Variants in GRID2 observed in about 807,000 individuals in gnomAD.
GRID2 encodes the protein glutamate receptor ionotropic, delta-2.
In GRID2, 33 loss-of-function variants were observed where a neutral mutation model predicts 114.8. That is an observed-to-expected ratio of 0.29 (90% CI 0.22 to 0.38). GRID2 has a LOEUF of 0.38. Ranked by LOEUF, GRID2 falls within the 10% of genes least tolerant of loss-of-function variation. The pLI is 1.00. For missense variants in GRID2, 1,184 were observed against 1,257.7 expected (o/e 0.94, Z 0.89); for synonymous variants, 505 against 449.9 (o/e 1.12, Z -1.55).
At chr4:93,221,906 T>A (rs1744923143) in intron 6 of GRID2, among the ~76,000 whole-genome samples, 1 of 152,124 alleles carries the variant, frequency 6.6e-6, no homozygotes, top group Non-Finnish European at 1.5e-5. Context: ...AAGACTAGCA[T>A]AGATGCTCAA....
chr4:92,586,030 C>T (rs528916570), intron 1 of GRID2, among the ~76,000 whole-genome samples: 83 of 130,116 alleles, frequency 6.4e-4, no homozygotes, highest in African/African-American at 2.3e-3. Context: ...AAGATTATAC[C>T]TAATTTAATG....
At chr4:92,536,714 C>T (rs1231528445) in intron 1 of GRID2, among the ~76,000 whole-genome samples, 17 of 151,782 alleles carry the variant, frequency 1.1e-4, no homozygotes, top group Admixed American at 1.1e-3. Flanking sequence ...CAGATTTTTT[C>T]TCTTATATGC....
intron 1 of GRID2, among the ~76,000 whole-genome samples, chr4:92,450,858 A>T (rs1311653536): frequency 2.0e-5 from 3 of 148,096 alleles, no homozygotes; most frequent in African/African-American, 7.3e-5. Flanking sequence ...AAATTTAAAT[A>T]AATTTAATTT....
intron 7 of GRID2, among the ~76,000 whole-genome samples, chr4:93,225,633 T>C (rs1221454485): frequency 6.6e-6 from 1 of 152,166 alleles, no homozygotes; most frequent in Non-Finnish European, 1.5e-5. Flanking sequence ...AATTGAAATA[T>C]AAATGCCCTT....
At chr4:92,769,271 T>C (rs1001221961) in intron 2 of GRID2, among the ~76,000 whole-genome samples, 2 of 152,176 alleles carry the variant, frequency 1.3e-5, no homozygotes, top group African/African-American at 4.8e-5. Flanking sequence ...CAGGTCATGC[T>C]GATGCAAAAA....
At chr4:93,182,304 A>G (rs1739971047) in intron 4 of GRID2, among the ~76,000 whole-genome samples, 1 of 152,014 alleles carries the variant, frequency 6.6e-6, no homozygotes, top group Admixed American at 6.6e-5. Flanking sequence ...AAAATATCTA[A>G]TGATGTTATA....
chr4:92,775,994 A>G (rs921146836), intron 2 of GRID2, among the ~76,000 whole-genome samples: 1 of 152,156 alleles, frequency 6.6e-6, no homozygotes, highest in Non-Finnish European at 1.5e-5. Flanking sequence ...ATAATTTTAA[A>G]AAATTGACCT....
intron 13 of GRID2, among the ~76,000 whole-genome samples, chr4:93,602,807 C>T (rs1402428056): frequency 1.3e-5 from 2 of 152,212 alleles, no homozygotes; most frequent in African/African-American, 4.8e-5. Flanking sequence ...AAAGCCAAGA[C>T]AGGCTAAAAG....
intron 1 of GRID2, among the ~76,000 whole-genome samples, chr4:92,317,652 C>T (rs2110120226): frequency 6.6e-6 from 1 of 152,152 alleles, no homozygotes; most frequent in East Asian, 1.9e-4. Context: ...AAAATCAGTC[C>T]CTGACTGCTC....
chr4:92,718,991 AT>A (rs879770532), intron 2 of GRID2, among the ~76,000 whole-genome samples: 223 of 145,476 alleles, frequency 1.5e-3, no homozygotes, highest in Admixed American at 1.7e-3. Context: ...CAAAAGACAG[AT>A]TTTTTTTTTT....
chr4:92,971,280 G>A (rs1239838629), intron 2 of GRID2, among the ~76,000 whole-genome samples: 1 of 151,926 alleles, frequency 6.6e-6, no homozygotes, highest in Non-Finnish European at 1.5e-5. Context: ...AGGAAGAGCA[G>A]GGACATAGGC....
At chr4:92,960,720 C>T (rs1752741516) in intron 2 of GRID2, among the ~76,000 whole-genome samples, 1 of 151,644 alleles carries the variant, frequency 6.6e-6, no homozygotes, top group South Asian at 2.1e-4. Context: ...ATATTTATAC[C>T]ATGATGTTTA....
chr4:93,424,063 T>G (rs1768600763), intron 10 of GRID2, among the ~76,000 whole-genome samples: 1 of 152,146 alleles, frequency 6.6e-6, no homozygotes, highest in African/African-American at 2.4e-5. Context: ...AATATTGTAC[T>G]ACTTCACATA....
chr4:92,912,251 A>G (rs1748443230), intron 2 of GRID2, among the ~76,000 whole-genome samples: 1 of 151,876 alleles, frequency 6.6e-6, no homozygotes, highest in Admixed American at 6.6e-5. Flanking sequence ...AGAAGGGTAT[A>G]CTACACATGA....
rs564531183 is a variant in GRID2, at chr4:92,573,035, C to T, written c.89-17096C>T. ...GCCCTGTTCAAGCATTCCGTTTCTT[C>T]CTGGTTCAGTCTTGGGAGAGTGTAC... On this transcript the variant is annotated intron_variant, in intron 1 of 15. Coordinates refer to ENST00000282020, the MANE Select transcript of GRID2 (RefSeq NM_001510.4). Among the ~76,000 whole-genome samples the T allele has an allele frequency of 3.3e-5, 5 of 152,040 alleles. 1 individual carries two copies. The South Asian group carries it at 1.0e-3, about 32-fold the overall frequency.
At chr4:92,559,504 G>A (rs189179697) in intron 1 of GRID2, among the ~76,000 whole-genome samples, 90 of 152,122 alleles carry the variant, frequency 5.9e-4, no homozygotes, top group African/African-American at 2.1e-3. Flanking sequence ...TCAGATTTTG[G>A]AACATTTTGG....
At chr4:93,652,487 A>G (rs757750011) in intron 14 of GRID2, among the ~76,000 whole-genome samples, 4 of 152,136 alleles carry the variant, frequency 2.6e-5, no homozygotes, top group African/African-American at 4.8e-5. Flanking sequence ...TTGTGTTACA[A>G]TTGCCCACAG....
At chr4:93,606,264 C>G (rs1740227904) in intron 13 of GRID2, among the ~76,000 whole-genome samples, 1 of 151,086 alleles carries the variant, frequency 6.6e-6, no homozygotes, top group African/African-American at 2.4e-5. Flanking sequence ...GAGAGTCTGA[C>G]TCAAAAAAAA....
intron 1 of GRID2, among the ~76,000 whole-genome samples, chr4:92,371,639 T>G (rs1486532905): frequency 1.3e-5 from 2 of 152,174 alleles, no homozygotes; most frequent in African/African-American, 4.8e-5. Context: ...TCACTGGTAA[T>G]GGACCTCATG....
Sources: allele counts gnomAD v4.1 joint callset (sites outside exome capture counted in the v4.1 genomes callset), GRCh38; gene constraint gnomAD v4.1.1; transcripts MANE v1.5; gene names NCBI Gene and HGNC (gene_info 2026-07-23, HGNC 2026-07-21).